CSMD1: variants seen among roughly 807,000 people sequenced by gnomAD.
The protein encoded by CSMD1 is CUB and Sushi multiple domains 1.
Under a neutral mutation model 417.5 loss-of-function variants are expected in CSMD1, and 213 were observed. That is an observed-to-expected ratio of 0.51 (90% CI 0.46 to 0.57). CSMD1 has a LOEUF of 0.57. Ranked by LOEUF, CSMD1 falls within the 20% of genes least tolerant of loss-of-function variation. The pLI is 0.00. For missense variants in CSMD1, 6,923 were observed against 4,529.7 expected (o/e 1.53, Z -15.17); for synonymous variants, 2,862 against 1,736.8 (o/e 1.65, Z -16.11).
chr8:4,084,934 G>C (rs912746320), intron 3 of CSMD1, among the ~76,000 whole-genome samples: 6 of 152,068 alleles, frequency 3.9e-5, no homozygotes, highest in African/African-American at 1.4e-4. Context: ...ACAAAAATTG[G>C]TAATTTGGGA....
chr8:4,810,997 G>C (rs775522077), intron 1 of CSMD1, among the ~76,000 whole-genome samples: 2 of 152,142 alleles, frequency 1.3e-5, no homozygotes, highest in African/African-American at 2.4e-5. Context: ...TGTTGTAAGA[G>C]TTTCATTTTC....
intron 3 of CSMD1, among the ~76,000 whole-genome samples, chr8:4,066,651 T>A (rs1056724122): frequency 6.6e-6 from 1 of 152,178 alleles, no homozygotes; most frequent in Non-Finnish European, 1.5e-5. Flanking sequence ...TGTGGATGTT[T>A]TTGCTCATCA....
intron 2 of CSMD1, among the ~76,000 whole-genome samples, chr8:4,487,329 C>A (rs1801467975): frequency 6.6e-6 from 1 of 152,146 alleles, no homozygotes; most frequent in Non-Finnish European, 1.5e-5. Context: ...CCTCTCCCCA[C>A]AACAGTCCCC....
intron 11 of CSMD1, among the ~76,000 whole-genome samples, chr8:3,471,335 T>G (rs544363598): frequency 1.3e-5 from 2 of 152,206 alleles, no homozygotes; most frequent in Non-Finnish European, 2.9e-5. Context: ...CTTGATATAT[T>G]GTAGTACAGA....
At chr8:3,328,702 A>G (rs796818873) in intron 23 of CSMD1, among the ~76,000 whole-genome samples, 12 of 152,362 alleles carry the variant, frequency 7.9e-5, no homozygotes, top group African/African-American at 2.9e-4. Flanking sequence ...GCAGAGGATG[A>G]GGTTCATGTG....
At chr8:4,151,800 A>C (rs886684149) in intron 3 of CSMD1, among the ~76,000 whole-genome samples, 1 of 152,212 alleles carries the variant, frequency 6.6e-6, no homozygotes, top group African/African-American at 2.4e-5. Context: ...TTTATATGAA[A>C]AATAATTGTT....
At chr8:4,205,079 A>C (rs11779968) in intron 3 of CSMD1, among the ~76,000 whole-genome samples, 17,710 of 152,270 alleles carry the variant, frequency 0.12, 1,665 homozygotes, top group African/African-American at 0.26. Context: ...AGTTTACTGT[A>C]AACATCAAAT....
At chr8:3,789,889 G>A (rs552542151) in intron 5 of CSMD1, among the ~76,000 whole-genome samples, 23 of 151,914 alleles carry the variant, frequency 1.5e-4, no homozygotes, top group South Asian at 1.0e-3. Context: ...CCACCACCAC[G>A]CCTGGCTAAT....
intron 1 of CSMD1, among the ~76,000 whole-genome samples, chr8:4,854,800 C>T (rs1304624743): frequency 2.0e-5 from 3 of 152,150 alleles, no homozygotes; most frequent in African/African-American, 7.2e-5. Flanking sequence ...GCACAGCAGT[C>T]TGAGATCAAA....
Position 3,741,188 on chromosome 8 carries a change from C to T in CSMD1, c.931+12742G>A, listed in dbSNP as rs577157520. On this transcript the variant is annotated intron_variant, in intron 6 of 69. Coordinates refer to ENST00000635120, the MANE Select transcript of CSMD1 (RefSeq NM_033225.6). ...GAGATCGTGCTATTGCAGTCCAGCC[C>T]GGGCAACAGAGCAAGACTCCGTCTT... Among the ~76,000 whole-genome samples, 197 of 139,590 alleles carry T rather than the reference C, an allele frequency of 1.4e-3. 1 individual carries two copies. Among genetic ancestry groups the T allele is most frequent in the African/African-American group, 5.2e-3 (186 of 36,060 alleles). The allele number at this position is 139,590 out of a possible 152,430, so 91.6% of individuals were successfully genotyped here.
chr8:4,650,028 C>G (rs1427975744), intron 1 of CSMD1, among the ~76,000 whole-genome samples: 2 of 152,128 alleles, frequency 1.3e-5, no homozygotes, highest in East Asian at 3.9e-4. Context: ...TTTATCATGT[C>G]TGGGATGAGA....
At chr8:3,727,533 G>C (rs942597428) in intron 6 of CSMD1, among the ~76,000 whole-genome samples, 2 of 152,164 alleles carry the variant, frequency 1.3e-5, no homozygotes, top group Admixed American at 6.5e-5. Context: ...AAATGAGGCA[G>C]CTGTCGTGAA....
At chr8:4,918,925 G>A (rs1806245013) in intron 1 of CSMD1, among the ~76,000 whole-genome samples, 1 of 152,210 alleles carries the variant, frequency 6.6e-6, no homozygotes, top group African/African-American at 2.4e-5. Flanking sequence ...GTAAAATTCT[G>A]GGGGGTGTAT....
chr8:3,108,462 C>T (rs544984865), intron 44 of CSMD1, 141 bp downstream of exon 44: 8 of 718,456 alleles, frequency 1.1e-5, no homozygotes, highest in African/African-American at 5.3e-5. Flanking sequence ...CCACAGGAAA[C>T]GCTGGCCTCC....
intron 5 of CSMD1, among the ~76,000 whole-genome samples, chr8:3,966,887 A>T (rs969125167): frequency 1.3e-5 from 2 of 152,214 alleles, no homozygotes; most frequent in Non-Finnish European, 2.9e-5. Context: ...GATGTATCAG[A>T]TTTTCAGTAT....
intron 3 of CSMD1, among the ~76,000 whole-genome samples, chr8:4,061,653 G>A (rs1243559658): frequency 6.6e-6 from 1 of 152,168 alleles, no homozygotes; most frequent in Non-Finnish European, 1.5e-5. Context: ...GGACTGTGTG[G>A]AAAGACTGTT....
intron 5 of CSMD1, among the ~76,000 whole-genome samples, chr8:3,759,364 T>C (rs927651644): frequency 6.6e-6 from 1 of 152,152 alleles, no homozygotes; most frequent in African/African-American, 2.4e-5. Context: ...TATCTATTCA[T>C]AACCTTACTG....
At chr8:3,432,170 T>A (rs992687904) in intron 12 of CSMD1, among the ~76,000 whole-genome samples, 1 of 152,162 alleles carries the variant, frequency 6.6e-6, no homozygotes, top group South Asian at 2.1e-4. Context: ...CTGAACTTCT[T>A]AATCTGGGCA....
intron 2 of CSMD1, among the ~76,000 whole-genome samples, chr8:4,449,058 G>A (rs1798979698): frequency 6.6e-6 from 1 of 152,140 alleles, no homozygotes; most frequent in Non-Finnish European, 1.5e-5. Flanking sequence ...GCCCACAGAA[G>A]GATGCTATAA....
Sources: allele counts gnomAD v4.1 joint callset (sites outside exome capture counted in the v4.1 genomes callset), GRCh38; gene constraint gnomAD v4.1.1; transcripts MANE v1.5; gene names NCBI Gene and HGNC (gene_info 2026-07-23, HGNC 2026-07-21).